Variants in CHD4 observed in about 807,000 individuals in gnomAD.
The protein encoded by CHD4 is ATP-dependent chromatin remodeler CHD4.
A neutral mutation model predicts 235.5 loss-of-function variants in CHD4; 35 were observed. The observed-to-expected ratio is 0.15, with a 90% CI of 0.11 to 0.20. The LOEUF is 0.20. CHD4 is among the 10% of genes least tolerant of loss of function. The pLI is 1.00. For missense variants in CHD4, 1,329 were observed against 2,432.3 expected (o/e 0.55, Z 9.54); for synonymous variants, 900 against 850.2 (o/e 1.06, Z -1.02).
chr12:6,580,249 A>C (rs1036624021), intron 33 of CHD4: 2 of 151,962 alleles, frequency 1.3e-5, no homozygotes, highest in Admixed American at 6.6e-5. Context: ...AACAACAACA[A>C]CAACAACAAA....
At chr12:6,590,223 A>T (rs569222794) in intron 22 of CHD4, 4 of 152,190 alleles carry the variant, frequency 2.6e-5, no homozygotes, top group East Asian at 3.9e-4. Flanking sequence ...TCTGTATCAT[A>T]TAAGAAAATA....
intron 34 of CHD4, 123 bp downstream of exon 34, chr12:6,578,717 GACAGGT>G (rs752502512): frequency 7.5e-7 from 1 of 1,339,734 alleles, no homozygotes; most frequent in South Asian, 1.2e-5. Flanking sequence ...TAAATGTGGG[GACAGGT>G]ACAGTCTTTT....
At chr12:6,596,238 G>A in intron 12 of CHD4, 101 bp from the exon 13 acceptor site, 1 of 1,444,572 alleles carries the variant, frequency 6.9e-7, no homozygotes, top group Non-Finnish European at 9.4e-7. Flanking sequence ...CAGACCTCTA[G>A]GTATGCCACA....
At chr12:6,588,976 A>G (rs1000240982) in intron 22 of CHD4, among the ~76,000 whole-genome samples, 1 of 152,204 alleles carries the variant, frequency 6.6e-6, no homozygotes. Context: ...GGCCAGGTGC[A>G]GTGACTCACA....
At position 6,587,702 on chromosome 12, in the gene CHD4, A is replaced by C; in HGVS notation, c.3703+10T>G. On this transcript the variant is annotated intron_variant, in intron 24 of 39. Coordinates refer to ENST00000544040, the MANE Select transcript of CHD4 (RefSeq NM_001273.5). The stretch of plus-strand genomic sequence containing the variant: ...CCCCACACCAAAACGTAAGTTCCTG[A>C]CTACCTCACCTCCATCAGTGGCTTC... 1 of 1,613,166 alleles carries C rather than the reference A, an allele frequency of 6.2e-7. No homozygotes were observed. Among genetic ancestry groups the C allele is most frequent in the Non-Finnish European group, 8.5e-7 (1 of 1,179,138 alleles).
chr12:6,600,703 C>A, intron 7 of CHD4, 34 bp from the exon 8 acceptor site: 1 of 1,611,116 alleles, frequency 6.2e-7, no homozygotes, highest in Non-Finnish European at 8.5e-7. Flanking sequence ...GTTAGACGTT[C>A]AAGCCAAGGG....
At chr12:6,574,653 G>C (rs1202114981) in intron 37 of CHD4, among the ~76,000 whole-genome samples, 1 of 152,230 alleles carries the variant, frequency 6.6e-6, no homozygotes, top group African/African-American at 2.4e-5. Context: ...GATCCCACTA[G>C]TGTATGGTGA....
chr12:6,578,225 T>TCC lies in CHD4; in HGVS notation c.5120-90_5120-89dup. 6.6e-6 allele frequency: 9 copies of TCC among 1,361,302 alleles called. No homozygotes were observed. The East Asian group carries it at 2.1e-4, about 31-fold the overall frequency. The allele number at this position is 1,361,302 out of a possible 1,614,324, so 84.3% of individuals were successfully genotyped here. ...AGCTACTTATTCTTGTCCCCCACCA[T>TCC]CCCCTACCCCTGGATCCATTTCATA... On this transcript the variant is annotated intron_variant, in intron 35 of 39. Transcript: ENST00000544040.
intron 33 of CHD4, chr12:6,580,371 A>C (rs1309382065): frequency 6.6e-6 from 1 of 152,096 alleles, no homozygotes. Context: ...CCCAGCAAAA[A>C]TTCACGAGTG....
Position 6,583,206 on chromosome 12 carries a change from T to C in CHD4, c.4052A>G (p.Glu1351Gly). 1 of 1,614,198 alleles carries C rather than the reference T, an allele frequency of 6.2e-7. No homozygotes were observed. The highest frequency in any genetic ancestry group is 8.5e-7 in the Non-Finnish European group (1 of 1,180,032). Residue 1351 changes from glutamate to glycine, a missense_variant, in exon 26 of 40, where the codon GAG becomes GGG. This residue lies in a region of CHD4 where 46 missense variants were observed against 85.6 expected (regional missense o/e 0.54). Transcript: ENST00000544040. ...KQVNYNDGSQ[E>G]DRDWQDDQSD... ...GGGCCGGCCACACACACCTCGGTCC[T>C]CCTGGGAGCCATCATTGTAGTTGAC...
At chr12:6,573,687 G>A (rs1948018762) in intron 37 of CHD4, among the ~76,000 whole-genome samples, 1 of 151,968 alleles carries the variant, frequency 6.6e-6, no homozygotes, top group East Asian at 1.9e-4. Context: ...ACACAGTTAA[G>A]CATCTTCCTT....
intron 2 of CHD4, among the ~76,000 whole-genome samples, chr12:6,604,642 CA>C (rs1948658993): frequency 6.6e-6 from 1 of 152,018 alleles, no homozygotes; most frequent in Non-Finnish European, 1.5e-5. Flanking sequence ...CCCATGGAGG[CA>C]AAGGGGACAT....
At position 6,600,923 on chromosome 12, in the gene CHD4, C is replaced by T; in HGVS notation, c.927+3G>A. 1 of 1,580,734 alleles carries T rather than the reference C, an allele frequency of 6.3e-7. No homozygotes were observed. The highest frequency in any genetic ancestry group is 8.6e-7 in the Non-Finnish European group (1 of 1,166,758). ...TCCCTAAAGCGATGGGCTGGGCTCT[C>T]ACCGAGGATCTCTTACGCTTGGAAC... On this transcript the variant is annotated splice_donor_region_variant and intron_variant, in intron 7 of 39. Transcript: ENST00000544040.
At position 6,587,989 on chromosome 12, in the gene CHD4, C is replaced by T. The variant is rs1195922782; in HGVS notation, c.3466-40G>A. 11 of 1,567,606 alleles carry T rather than the reference C, an allele frequency of 7.0e-6. No homozygotes were observed. The South Asian group carries it at 1.2e-4, about 17-fold the overall frequency. ...GAAATAAAGCCAGAAATTGTATTTT[C>T]CTGGTGCCACTCTTATCCTGACTTC... On this transcript the variant is annotated intron_variant, in intron 23 of 39. Transcript: ENST00000544040.
intron 33 of CHD4, among the ~76,000 whole-genome samples, chr12:6,579,954 G>A (rs1172286301): frequency 4.7e-5 from 7 of 149,198 alleles, no homozygotes; most frequent in Non-Finnish European, 1.0e-4. Flanking sequence ...TACTCAGGAG[G>A]CTGAGGCAGG....
intron 26 of CHD4, 42 bp from the exon 27 acceptor site, chr12:6,583,155 G>A (rs1948224822): frequency 8.2e-7 from 1 of 1,221,910 alleles, no homozygotes; most frequent in African/African-American, 1.6e-5. Flanking sequence ...CACTGCTCTA[G>A]TGGAACGGCC....
At chr12:6,598,544 C>T (rs571673530) in intron 10 of CHD4, 119 bp from the exon 11 acceptor site, 2 of 860,592 alleles carry the variant, frequency 2.3e-6, no homozygotes, top group East Asian at 5.1e-5. Context: ...GGAGCAGTGG[C>T]TCATGCCTGA....
At chr12:6,590,623 A>G (rs958713784) in intron 22 of CHD4, among the ~76,000 whole-genome samples, 6 of 152,152 alleles carry the variant, frequency 3.9e-5, no homozygotes, top group Non-Finnish European at 5.9e-5. Context: ...CTTTGTGATC[A>G]GCCTGGGCAA....
At chr12:6,587,171 A>G in intron 25 of CHD4, 2 of 565,374 alleles carry the variant, frequency 3.5e-6, no homozygotes, top group South Asian at 2.5e-5. Context: ...TGTTGTGAGC[A>G]TGATATTTGG....
Sources: allele counts gnomAD v4.1 joint callset (sites outside exome capture counted in the v4.1 genomes callset), GRCh38; gene constraint gnomAD v4.1.1; regional missense constraint gnomAD v4.1.1; transcripts MANE v1.5; gene names NCBI Gene and HGNC (gene_info 2026-07-23, HGNC 2026-07-21).